The following PRKCB variants were observed in gnomAD, a reference collection of about 807,000 sequenced individuals.
PRKCB encodes protein kinase C beta type.
In PRKCB, 13 loss-of-function variants were observed where a neutral mutation model predicts 81.5. That is an observed-to-expected ratio of 0.16 (90% confidence interval 0.10 to 0.25). PRKCB has a LOEUF of 0.25. PRKCB is among the 10% of genes least tolerant of loss of function. The probability of loss-of-function intolerance (pLI) is 1.00; values close to 1 mark genes in which losing one functional copy is unlikely to be tolerated. For missense variants in PRKCB, 509 were observed against 875.7 expected (o/e 0.58, Z 5.29); for synonymous variants, 335 against 321.4 (o/e 1.04, Z -0.45).
intron 3 of PRKCB, 79 bp from the exon 4 acceptor site, chr16:24,032,057 C>A: frequency 9.9e-7 from 1 of 1,012,176 alleles, no homozygotes; most frequent in South Asian, 1.4e-5. Flanking sequence ...GGTGAGTTCT[C>A]CAGTGCCTCT....
intron 2 of PRKCB, among the ~76,000 whole-genome samples, chr16:23,876,526 C>T (rs1963015974): frequency 6.6e-6 from 1 of 152,264 alleles, no homozygotes; most frequent in African/African-American, 2.4e-5. Flanking sequence ...CGATATGTCT[C>T]CATCTCCTTA....
rs1968302027 is a variant in PRKCB, at chr16:24,220,210, G to C, written c.*5394G>C. The C allele has an allele frequency of 7.0e-7, 1 of 1,426,200 alleles. No homozygotes were observed. The highest frequency in any genetic ancestry group is 9.6e-7 in the Non-Finnish European group (1 of 1,042,046). The allele number at this position is 1,426,200 out of a possible 1,614,324, so 88.3% of individuals were successfully genotyped here. A position where few individuals can be genotyped will look rare whatever the true frequency, so the allele number is the denominator to read the frequency against. On this transcript the variant is annotated 3_prime_UTR_variant, in exon 17 of 17. Coordinates refer to ENST00000643927, the MANE Select transcript of PRKCB (RefSeq NM_002738.7). Reference sequence around the variant, plus strand: ...TCCAGGATTCACGGTGCACATGCTGGCATTCAACATGTGGAAAGCTTGTCT... The same window carrying C: ...TCCAGGATTCACGGTGCACATGCTGCCATTCAACATGTGGAAAGCTTGTCT...
intron 9 of PRKCB, chr16:24,151,866 C>T (rs748993758): frequency 4.4e-6 from 2 of 455,672 alleles, no homozygotes; most frequent in Non-Finnish European, 8.8e-6. Flanking sequence ...GTAATTGACA[C>T]AGATGTAGGA....
rs1567298403 is a variant in PRKCB at position 23,875,562 on chromosome 16, C to CATGTATGTATATCACACACAT, written c.205+38160_205+38161insATGTATATCACACACATATGT. Among the ~76,000 whole-genome samples, 206 of 92,010 alleles carry CATGTATGTATATCACACACAT rather than the reference C, an allele frequency of 2.2e-3. 3 individuals are homozygous for CATGTATGTATATCACACACAT. The highest frequency in any genetic ancestry group is 9.9e-3 in the South Asian group (17 of 1,718). The allele number at this position is 92,010 out of a possible 152,430, so 60.4% of individuals were successfully genotyped here. A position where few individuals can be genotyped will look rare whatever the true frequency, so the allele number is the denominator to read the frequency against. ...CACACATATGTATGTATATCACACA[C>CATGTATGTATATCACACACAT]ATGTGTATATCAAACACATATGTAT... On this transcript the variant is annotated intron_variant, in intron 2 of 16. Coordinates refer to ENST00000643927, the MANE Select transcript of PRKCB (RefSeq NM_002738.7).
Position 24,130,628 on chromosome 16 carries a change from T to C in PRKCB, c.1065+6647T>C, listed in dbSNP as rs147831815. 1.8e-3 allele frequency among the ~76,000 whole-genome samples: 268 copies of C among 152,312 alleles called. No homozygotes were observed. In the Middle Eastern group the frequency reaches 0.024, roughly 14 times the overall value. On this transcript the variant is annotated intron_variant, in intron 9 of 16. Coordinates refer to ENST00000643927, the MANE Select transcript of PRKCB (RefSeq NM_002738.7). Reference sequence around the variant, plus strand: ...ATTAAACTTCTAAGTTTAAGACGTTTAAGACAGGCGCGCCTGGCCACACCC... The same window carrying C: ...ATTAAACTTCTAAGTTTAAGACGTTCAAGACAGGCGCGCCTGGCCACACCC...
intron 7 of PRKCB, among the ~76,000 whole-genome samples, chr16:24,096,670 T>A (rs1253139718): frequency 0.13 from 1,677 of 13,400 alleles, 10 homozygotes; most frequent in African/African-American, 0.17. Context: ...AAAAAAAATA[T>A]ATATATATAT....
intron 12 of PRKCB, chr16:24,174,992 A>T (rs1967505955): frequency 6.4e-6 from 1 of 155,862 alleles, no homozygotes; most frequent in Non-Finnish European, 1.4e-5. Flanking sequence ...CTGCTATGTA[A>T]GTACAACTTG....
At chr16:24,026,554 C>T (rs1439879251) in intron 3 of PRKCB, among the ~76,000 whole-genome samples, 1 of 152,248 alleles carries the variant, frequency 6.6e-6, no homozygotes, top group Non-Finnish European at 1.5e-5. Context: ...GTAGAGCTCA[C>T]AAGGCCTTGA....
intron 5 of PRKCB, among the ~76,000 whole-genome samples, chr16:24,050,466 A>AAC (rs3051483): frequency 0.12 from 18,192 of 149,274 alleles, 1,150 homozygotes; most frequent in Middle Eastern, 0.16. Context: ...GGTTTTATGT[A>AAC]ACACACACAC....
Position 24,154,666 on chromosome 16 carries a change from G to GC in PRKCB, c.1066-17dup, listed in dbSNP as rs1456602174. The stretch of plus-strand genomic sequence containing the variant: ...AGACTCCTTCCAACTGCCCTGACAT[G>GC]CTTGCTCTCTTTCCCAGGTCATGCT... On this transcript the variant is annotated splice_polypyrimidine_tract_variant and intron_variant, in intron 9 of 16. Transcript: ENST00000643927. 1 of 1,613,570 alleles carries GC rather than the reference G, an allele frequency of 6.2e-7. No homozygotes were observed. Among genetic ancestry groups the GC allele is most frequent in the South Asian group, 1.1e-5 (1 of 91,000 alleles).
At position 24,083,618 on chromosome 16, in the gene PRKCB, C is replaced by T. The variant is rs57933207; in HGVS notation, c.530-9173C>T. 7.4e-3 allele frequency among the ~76,000 whole-genome samples: 1,129 copies of T among 152,198 alleles called. 16 individuals are homozygous for T. The highest frequency in any genetic ancestry group is 0.025 in the African/African-American group (1,052 of 41,540). ...TGTATGATTCCATTTAGGTATTATTCTTGAAAAGATAAAACTGTAGTGATG... is the reference window on the plus strand; with the variant it reads ...TGTATGATTCCATTTAGGTATTATTTTTGAAAAGATAAAACTGTAGTGATG... On this transcript the variant is annotated intron_variant, in intron 5 of 16. Coordinates refer to ENST00000643927, the MANE Select transcript of PRKCB (RefSeq NM_002738.7).
chr16:24,112,401 G>A (rs1966686186), intron 7 of PRKCB, among the ~76,000 whole-genome samples: 1 of 152,100 alleles, frequency 6.6e-6, no homozygotes, highest in Non-Finnish European at 1.5e-5. Context: ...GCTGGGCATG[G>A]TGGCACATGC....
chr16:24,193,480 T>G (rs1007127966), intron 16 of PRKCB, among the ~76,000 whole-genome samples: 1 of 149,300 alleles, frequency 6.7e-6, no homozygotes, highest in African/African-American at 2.5e-5. Context: ...AATAAATAAA[T>G]AAATAAATAA....
At position 24,116,434 on chromosome 16, in the gene PRKCB, G is replaced by A. The variant is rs764712962; in HGVS notation, c.918+3365G>A. ...TTAAAAAAAAATAAAAAAAGAAATAGCACTTACGTATTCCCAAATTCCTTG... is the reference window on the plus strand; with the variant it reads ...TTAAAAAAAAATAAAAAAAGAAATAACACTTACGTATTCCCAAATTCCTTG... On this transcript the variant is annotated intron_variant, in intron 8 of 16. Transcript: ENST00000643927. 1.6e-4 allele frequency among the ~76,000 whole-genome samples: 24 copies of A among 152,060 alleles called. 1 individual carries two copies. The highest frequency in any genetic ancestry group is 3.1e-4 in the Non-Finnish European group (21 of 67,982).
At chr16:23,907,859 C>T (rs1327749612) in intron 2 of PRKCB, among the ~76,000 whole-genome samples, 4 of 152,240 alleles carry the variant, frequency 2.6e-5, no homozygotes, top group African/African-American at 7.2e-5. Context: ...ACCACACCCC[C>T]AGACAACAAG....
chr16:23,949,485 T>TG, intron 2 of PRKCB, among the ~76,000 whole-genome samples: 1 of 152,364 alleles, frequency 6.6e-6, no homozygotes, highest in South Asian at 2.1e-4. Flanking sequence ...GGAACTTTCC[T>TG]GGGGGTCCAA....
intron 2 of PRKCB, among the ~76,000 whole-genome samples, chr16:23,935,750 A>G (rs1481900509): frequency 6.6e-6 from 1 of 152,228 alleles, no homozygotes; most frequent in Non-Finnish European, 1.5e-5. Context: ...GCTGGAGGCC[A>G]TTATTTTAAG....
chr16:24,050,799 T>C (rs901018274), intron 5 of PRKCB, among the ~76,000 whole-genome samples: 1 of 152,224 alleles, frequency 6.6e-6, no homozygotes, highest in Non-Finnish European at 1.5e-5. Flanking sequence ...CCTGAGATGA[T>C]ACTACTCTTT....
Position 24,084,896 on chromosome 16 carries a change from A to G in PRKCB, c.530-7895A>G, listed in dbSNP as rs1966293034. On this transcript the variant is annotated intron_variant, in intron 5 of 16. Coordinates refer to ENST00000643927, the MANE Select transcript of PRKCB (RefSeq NM_002738.7). Reference sequence around the variant, plus strand: ...TTTGCTGTGGTTGGAGATCATGGGTATATAGTGGCATGAAGCCCCTATGTG... The same window carrying G: ...TTTGCTGTGGTTGGAGATCATGGGTGTATAGTGGCATGAAGCCCCTATGTG... 2.6e-5 allele frequency among the ~76,000 whole-genome samples: 4 copies of G among 152,190 alleles called. No individual in the cohort carries two copies. In the South Asian group the frequency reaches 8.3e-4, roughly 31 times the overall value.
Sources: allele counts gnomAD v4.1 joint callset (sites outside exome capture counted in the v4.1 genomes callset), GRCh38; gene constraint gnomAD v4.1.1; transcripts MANE v1.5; gene names NCBI Gene and HGNC (gene_info 2026-07-23, HGNC 2026-07-21).